Variants in ERBB4 observed in about 807,000 individuals in gnomAD.
ERBB4 encodes receptor tyrosine-protein kinase erbB-4.
In ERBB4, 42 loss-of-function variants were observed where a neutral mutation model predicts 158.0. The ratio of observed to expected loss-of-function variants is 0.27; its 90% CI spans 0.21 to 0.34. The LOEUF is 0.34. Among genes scored for constraint, ERBB4 ranks in the 10% least tolerant of loss-of-function variants. The probability of loss-of-function intolerance (pLI) is 1.00; values close to 1 mark genes in which losing one functional copy is unlikely to be tolerated. For synonymous variants in ERBB4, 583 were observed against 558.7 expected, an observed-to-expected ratio of 1.04 and a Z score of -0.61; for missense variants, 1,333 against 1,624.1, an observed-to-expected ratio of 0.82 and a Z score of 3.08.
chr2:212,009,054 GTTATATGTTT>G (rs1559306764), intron 2 of ERBB4, among the ~76,000 whole-genome samples: 3 of 1,292 alleles, frequency 2.3e-3, no homozygotes, highest in Admixed American at 0.014. Context: ...AGAAATTTTA[GTTATATGTTT>G]TTCTAAACAG....
At chr2:211,915,763 G>A (rs1302344291) in intron 3 of ERBB4, among the ~76,000 whole-genome samples, 4 of 151,704 alleles carry the variant, frequency 2.6e-5, no homozygotes, top group Non-Finnish European at 4.4e-5. Context: ...AAGATAAAAA[G>A]GGGAAAGCTT....
intron 19 of ERBB4, among the ~76,000 whole-genome samples, chr2:211,600,237 T>C (rs752120874): frequency 3.3e-5 from 5 of 152,292 alleles, no homozygotes; most frequent in African/African-American, 9.6e-5. Context: ...CCCAGTTAAC[T>C]GTTTTAAGTA....
At chr2:211,898,940 C>G (rs1438029752) in intron 3 of ERBB4, among the ~76,000 whole-genome samples, 1 of 152,090 alleles carries the variant, frequency 6.6e-6, no homozygotes, top group Non-Finnish European at 1.5e-5. Context: ...CTCAATCGTC[C>G]AAACTACCAT....
intron 9 of ERBB4, among the ~76,000 whole-genome samples, chr2:211,709,237 A>G (rs13413099): frequency 0.087 from 3,624 of 41,458 alleles, 102 homozygotes; most frequent in African/African-American, 0.15. Context: ...GTGTGTGTGT[A>G]TATATATATA....
intron 12 of ERBB4, among the ~76,000 whole-genome samples, chr2:211,692,819 AATGC>A (rs1208469859): frequency 5.3e-5 from 8 of 152,144 alleles, no homozygotes; most frequent in African/African-American, 1.9e-4. Context: ...TGAAGATTTG[AATGC>A]AGTCATCCTC....
intron 1 of ERBB4, among the ~76,000 whole-genome samples, chr2:212,291,365 A>C (rs9288451): frequency 6.6e-6 from 1 of 151,992 alleles, no homozygotes; most frequent in East Asian, 1.9e-4. Context: ...ATATATTTTA[A>C]TCAGCTTTAG....
chr2:212,379,812 T>C (rs1031684418), intron 1 of ERBB4, among the ~76,000 whole-genome samples: 1 of 151,498 alleles, frequency 6.6e-6, no homozygotes, highest in African/African-American at 2.4e-5. Flanking sequence ...TGTGTGTGTG[T>C]GTGTGTATGT....
chr2:211,773,356 A>AGT (rs1575125143), intron 4 of ERBB4, among the ~76,000 whole-genome samples: 2 of 151,562 alleles, frequency 1.3e-5, no homozygotes, highest in East Asian at 3.9e-4. Context: ...AATTTACATA[A>AGT]ATGTTTACTT....
At chr2:212,472,439 CT>C (rs1370001479) in intron 1 of ERBB4, among the ~76,000 whole-genome samples, 1 of 151,674 alleles carries the variant, frequency 6.6e-6, no homozygotes, top group East Asian at 1.9e-4. Context: ...CCTTTCTTTT[CT>C]TTTTTGCTAT....
chr2:212,247,757 A>C (rs1285796274), intron 1 of ERBB4, among the ~76,000 whole-genome samples: 1 of 152,168 alleles, frequency 6.6e-6, no homozygotes, highest in Non-Finnish European at 1.5e-5. Context: ...TGAGGTCAGG[A>C]GTTTGAGACC....
chr2:212,266,223 T>C (rs975669402), intron 1 of ERBB4, among the ~76,000 whole-genome samples: 3 of 151,924 alleles, frequency 2.0e-5, no homozygotes, highest in Non-Finnish European at 4.4e-5. Context: ...GGGATATTGT[T>C]ATACTAGATA....
rs1371316477 is a variant in ERBB4 at position 212,087,964 on chromosome 2, G to A, written c.234+36788C>T. Among the ~76,000 whole-genome samples, 6 of 152,192 alleles carry A rather than the reference G, an allele frequency of 3.9e-5. No individual in the cohort carries two copies. In the East Asian group the frequency reaches 9.7e-4, roughly 25 times the overall value. On this transcript the variant is annotated intron_variant, in intron 2 of 27. Transcript: ENST00000342788. ...GTGAGAGTCAATTGAAATAATGCGT[G>A]TTAAGCTTCAGACACAGTGCCTGGC...
At chr2:211,825,147 A>G (rs1430141663) in intron 3 of ERBB4, among the ~76,000 whole-genome samples, 1 of 151,926 alleles carries the variant, frequency 6.6e-6, no homozygotes, top group Non-Finnish European at 1.5e-5. Context: ...TATATCAAAA[A>G]TCACTTTTTT....
chr2:212,312,315 AC>A, intron 1 of ERBB4, among the ~76,000 whole-genome samples: 1 of 151,068 alleles, frequency 6.6e-6, no homozygotes, highest in Non-Finnish European at 1.5e-5. Flanking sequence ...TGCCATATAT[AC>A]TTGAATTTTT....
chr2:212,344,520 A>ATG (rs2088887372), intron 1 of ERBB4, among the ~76,000 whole-genome samples: 1 of 151,944 alleles, frequency 6.6e-6, no homozygotes, highest in Non-Finnish European at 1.5e-5. Context: ...ATATATATGT[A>ATG]TGTGTGTATA....
intron 1 of ERBB4, among the ~76,000 whole-genome samples, chr2:212,179,025 A>G (rs1321514897): frequency 1.3e-5 from 2 of 151,680 alleles, no homozygotes; most frequent in Non-Finnish European, 3.0e-5. Context: ...AAGTAATACT[A>G]TATCTTTTTA....
chr2:212,259,999 G>A (rs147770344), intron 1 of ERBB4, among the ~76,000 whole-genome samples: 1,864 of 151,666 alleles, frequency 0.012, 29 homozygotes, highest in African/African-American at 0.042. Context: ...AACCCGGGAG[G>A]CAGAGGTTGC....
chr2:211,534,699 T>C (rs562612183), intron 20 of ERBB4, among the ~76,000 whole-genome samples: 1 of 152,128 alleles, frequency 6.6e-6, no homozygotes, highest in African/African-American at 2.4e-5. Flanking sequence ...AAATGAGCAG[T>C]CAGGGATAAA....
At chr2:212,458,785 A>G (rs1463021571) in intron 1 of ERBB4, among the ~76,000 whole-genome samples, 1 of 152,188 alleles carries the variant, frequency 6.6e-6, no homozygotes, top group Non-Finnish European at 1.5e-5. Context: ...GGAGGTGAAC[A>G]GATGAGGAAA....
Sources: allele counts gnomAD v4.1 joint callset (sites outside exome capture counted in the v4.1 genomes callset), GRCh38; gene constraint gnomAD v4.1.1; transcripts MANE v1.5; gene names NCBI Gene and HGNC (gene_info 2026-07-23, HGNC 2026-07-21).